The following IL12RB1 variants were observed in gnomAD, a reference collection of about 807,000 sequenced individuals.
The protein encoded by IL12RB1 is interleukin 12 receptor subunit beta 1.
In IL12RB1, 64 loss-of-function variants were observed where a neutral mutation model predicts 94.4. The ratio of observed to expected loss-of-function variants is 0.68; its 90% CI spans 0.55 to 0.83. IL12RB1 has a LOEUF of 0.83. Among genes scored for constraint, IL12RB1 ranks in the 40% least tolerant of loss-of-function variants. IL12RB1 has a pLI of 0.00. For synonymous variants in IL12RB1, 362 were observed against 355.5 expected (o/e 1.02, Z -0.21); for missense variants, 814 against 855.6 (o/e 0.95, Z 0.61).
At chr19:18,087,697 T>C (rs910293962), upstream of IL12RB1, among the ~76,000 whole-genome samples, 1 of 151,442 alleles carries the variant, frequency 6.6e-6, no homozygotes, top group Non-Finnish European at 1.5e-5. Context: ...TGCATTTTTT[T>C]TTTTTTAAGA....
At chr19:18,060,470 C>T (rs1400035611) in intron 15 of IL12RB1, among the ~76,000 whole-genome samples, 1 of 152,128 alleles carries the variant, frequency 6.6e-6, no homozygotes, top group Non-Finnish European at 1.5e-5. Flanking sequence ...CAGAGCGAGA[C>T]TCCATATATC....
upstream of IL12RB1, among the ~76,000 whole-genome samples, chr19:18,090,990 T>C (rs1332242215): frequency 1.3e-5 from 2 of 151,736 alleles, no homozygotes; most frequent in African/African-American, 2.4e-5. Context: ...GGAGGTGCTT[T>C]GGGGACCACC....
rs1312313669 is a variant in IL12RB1, at chr19:18,068,408, G to A, written c.1308C>T (p.Thr436=). The A allele has an allele frequency of 2.5e-6, 4 of 1,612,442 alleles. No individual in the cohort carries two copies. The highest frequency in any genetic ancestry group is 1.3e-5 in the African/African-American group (1 of 74,762). ...KLTLWSTVLS[T]YHFGGNASAA... ...ACTTACCATTGCCCCCAAAGTGGTA[G>A]GTGGACAGGACCGTAGACCACAAGG... The change falls in exon 11 of 17, where the codon ACC becomes ACT. Residue 436 remains threonine, a synonymous_variant. Coordinates refer to ENST00000593993, the MANE Select transcript of IL12RB1 (RefSeq NM_005535.3).
At chr19:18,088,990 C>T (rs2036512734), upstream of IL12RB1, among the ~76,000 whole-genome samples, 1 of 149,396 alleles carries the variant, frequency 6.7e-6, no homozygotes, top group African/African-American at 2.5e-5. Context: ...GAGATCGTGC[C>T]ACTGCACTCC....
At chr19:18,088,142 C>T (rs1349744072), upstream of IL12RB1, among the ~76,000 whole-genome samples, 2 of 151,972 alleles carry the variant, frequency 1.3e-5, no homozygotes, top group Non-Finnish European at 2.9e-5. Context: ...AATCCCAGTA[C>T]TTTGGGAGGC....
chr19:18,060,460 C>T (rs1321672135), intron 15 of IL12RB1, among the ~76,000 whole-genome samples: 1 of 152,130 alleles, frequency 6.6e-6, no homozygotes, highest in Non-Finnish European at 1.5e-5. Context: ...GGCTGGGTGA[C>T]AGAGCGAGAC....
At chr19:18,081,086 G>C (rs765004244) in intron 3 of IL12RB1, 85 bp from the exon 4 acceptor site, 1 of 1,245,158 alleles carries the variant, frequency 8.0e-7, no homozygotes, top group Non-Finnish European at 1.1e-6. Flanking sequence ...TCCCAGCATC[G>C]TTTTTTTGGT....
upstream of IL12RB1, among the ~76,000 whole-genome samples, chr19:18,091,868 C>CTTTTTTTTT (rs1264996682): frequency 1.7e-5 from 2 of 120,490 alleles, no homozygotes; most frequent in African/African-American, 3.1e-5. Context: ...CCTGGCTTTT[C>CTTTTTTTTT]TTTTTTTTTT....
At chr19:18,091,312 C>T (rs2036614033), upstream of IL12RB1, 4 of 152,276 alleles carry the variant, frequency 2.6e-5, no homozygotes, top group African/African-American at 2.4e-5. Flanking sequence ...GCCCCAGAAG[C>T]TCGTCTGAGA....
rs2146172944 is a variant in IL12RB1, at chr19:18,066,690, T to C, written c.1335A>G (p.Ala445=). ...STYHFGGNAS[A]AGTPHHVSVK... The stretch of plus-strand genomic sequence containing the variant: ...CCGAGACGTGGTGCGGTGTCCCAGC[T>C]GCTGAGGCTGCAACCAGTACCATTG... Residue 445 remains alanine (A), a synonymous_variant, in exon 12 of 17, where the codon GCA becomes GCG. Coordinates refer to ENST00000593993, the MANE Select transcript of IL12RB1 (RefSeq NM_005535.3). 6.2e-7 allele frequency: 1 copy of C among 1,609,314 alleles called. No individual in the cohort carries two copies.
Position 18,086,916 on chromosome 19 carries a change from T to C in IL12RB1, c.-93A>G. 2 of 1,565,152 alleles carry C rather than the reference T, an allele frequency of 1.3e-6. No homozygotes were observed. The highest frequency in any genetic ancestry group is 2.3e-5 in the South Asian group (2 of 86,376). ...TCCCCACTCCGGAACACATTGAAGCTGAGCAAGGAGAAAAGACTGAAAAAA... is the reference window on the plus strand; with the variant it reads ...TCCCCACTCCGGAACACATTGAAGCCGAGCAAGGAGAAAAGACTGAAAAAA... On this transcript the variant is annotated 5_prime_UTR_variant, in exon 1 of 17. Coordinates refer to ENST00000593993, the MANE Select transcript of IL12RB1 (RefSeq NM_005535.3).
At chr19:18,080,736 C>T (rs184025520) in intron 4 of IL12RB1, 96 bp downstream of exon 4, 10 of 839,094 alleles carry the variant, frequency 1.2e-5, no homozygotes, top group African/African-American at 8.3e-5. Flanking sequence ...AGTATCAAGT[C>T]CCTTGCCAAG....
chr19:18,088,805 G>A (rs1352707037), upstream of IL12RB1, among the ~76,000 whole-genome samples: 7 of 151,960 alleles, frequency 4.6e-5, no homozygotes, highest in Admixed American at 2.0e-4. Flanking sequence ...CGAGGTGGGC[G>A]GATCACCTGA....
At chr19:18,073,936 T>C (rs2035262225) in intron 7 of IL12RB1, among the ~76,000 whole-genome samples, 1 of 152,232 alleles carries the variant, frequency 6.6e-6, no homozygotes, top group South Asian at 2.1e-4. Flanking sequence ...GCGATTCTCC[T>C]GCCTCAGCCT....
intron 12 of IL12RB1, 143 bp downstream of exon 12, chr19:18,066,399 G>T: frequency 1.7e-6 from 1 of 581,328 alleles, no homozygotes; most frequent in East Asian, 3.1e-5. Context: ...GAGCCACTGC[G>T]CCCAGCCAAT....
chr19:18,059,333 C>T lies in IL12RB1; in HGVS notation c.*275G>A. The stretch of plus-strand genomic sequence containing the variant: ...GGGTCCAGGGATCCATCTGAGCCCC[C>T]CTTGCCCCCATTCCCAGTCCATTCT... On this transcript the variant is annotated 3_prime_UTR_variant, in exon 17 of 17. Coordinates refer to ENST00000593993, the MANE Select transcript of IL12RB1 (RefSeq NM_005535.3). 2 of 564,206 alleles carry T rather than the reference C, an allele frequency of 3.5e-6. No homozygotes were observed. Among genetic ancestry groups the T allele is most frequent in the Admixed American group, 3.0e-5 (1 of 32,978 alleles). The allele number at this position is 564,206 out of a possible 1,614,324, so 34.9% of individuals were successfully genotyped here. A position where few individuals can be genotyped will look rare whatever the true frequency, so the allele number is the denominator to read the frequency against.
upstream of IL12RB1, among the ~76,000 whole-genome samples, chr19:18,089,741 G>A (rs1251204364): frequency 6.6e-6 from 1 of 152,220 alleles, no homozygotes; most frequent in Non-Finnish European, 1.5e-5. Context: ...TCCTGGGGAT[G>A]AGCATCTGTG....
At chr19:18,068,017 CTTTTT>C (rs1216685125) in intron 11 of IL12RB1, among the ~76,000 whole-genome samples, 2 of 59,826 alleles carry the variant, frequency 3.3e-5, no homozygotes, top group Admixed American at 1.9e-4. Flanking sequence ...CAGCATTGTC[CTTTTT>C]TTTTTTTTTT....
In IL12RB1 at chr19:18,092,573, G is replaced by A. The variant is rs2036679205; in HGVS notation, c.-229-1804C>T. Among the ~76,000 whole-genome samples the A allele has an allele frequency of 3.3e-5, 5 of 152,096 alleles. No individual in the cohort carries two copies. In the South Asian group the frequency reaches 1.0e-3, roughly 32 times the overall value. ...TAATCCTAGCTACTCAGGAGGCTGA[G>A]GCAGGAGAATCGCTTGAACCTGGTA... On this transcript the variant is annotated intron_variant, in intron 1 of 4. Transcript: ENST00000594176.
Sources: allele counts gnomAD v4.1 joint callset (sites outside exome capture counted in the v4.1 genomes callset), GRCh38; gene constraint gnomAD v4.1.1; transcripts MANE v1.5; gene names NCBI Gene and HGNC (gene_info 2026-07-23, HGNC 2026-07-21).